The following PKP2 variants were observed in gnomAD, a reference collection of about 807,000 sequenced individuals.
The protein encoded by PKP2 is plakophilin 2.
Under a neutral mutation model 83.4 loss-of-function variants are expected in PKP2, and 73 were observed. That is an observed-to-expected ratio of 0.88 (90% CI 0.72 to 1.06). The LOEUF (loss-of-function observed/expected upper bound fraction) is 1.06, where lower values mean the gene tolerates loss of function less well. Ranked by LOEUF, PKP2 falls within the 50% of genes least tolerant of loss-of-function variation. The pLI, the probability that PKP2 is intolerant of heterozygous loss-of-function variation, is 0.00. For synonymous variants in PKP2, 409 were observed against 430.4 expected (o/e 0.95, Z 0.62); for missense variants, 966 against 1,065.4 (o/e 0.91, Z 1.30).
At chr12:32,893,979 G>GCGAGATCTCCGCTCA (rs920530981) in intron 1 of PKP2, 1 of 147,222 alleles carries the variant, frequency 6.8e-6, no homozygotes, top group African/African-American at 2.6e-5. Context: ...GAGTGCAATG[G>GCGAGATCTCCGCTCA]CGAGATCTCC....
At chr12:32,821,831 A>G in intron 8 of PKP2, 2 of 363,324 alleles carry the variant, frequency 5.5e-6, no homozygotes, top group Non-Finnish European at 1.0e-5. Flanking sequence ...CTGTTGAGCT[A>G]AAAGCTAAAT....
rs574053559 is a variant in PKP2 at position 32,846,745 on chromosome 12, C to CAAAAAAAAAAAAAAAAAAAA, written c.1378+4020_1378+4021insTTTTTTTTTTTTTTTTTTTT. On this transcript the variant is annotated intron_variant, in intron 5 of 12. Coordinates refer to ENST00000340811, the MANE Select transcript of PKP2 (RefSeq NM_001005242.3). ...GGGTAACAAGAATGAAACTTCTTCT[C>CAAAAAAAAAAAAAAAAAAAA]AAAAAAAAAAAAAAAAAAGAAGAGA... Among the ~76,000 whole-genome samples, 162 of 74,820 alleles carry CAAAAAAAAAAAAAAAAAAAA rather than the reference C, an allele frequency of 2.2e-3. 3 individuals are homozygous for CAAAAAAAAAAAAAAAAAAAA. The highest frequency in any genetic ancestry group is 3.0e-3 in the African/African-American group (54 of 17,708). The allele number at this position is 74,820 out of a possible 152,430, so 49.1% of individuals were successfully genotyped here.
Position 32,869,107 on chromosome 12 carries a change from C to T in PKP2, c.1035-45G>A, listed in dbSNP as rs781606755. ...TTCAGCCAGATTCCAAACCTCCCTCCTCCTGCCTACCAACCTGGTCCTCCA... is the reference window on the plus strand; with the variant it reads ...TTCAGCCAGATTCCAAACCTCCCTCTTCCTGCCTACCAACCTGGTCCTCCA... On this transcript the variant is annotated intron_variant, in intron 3 of 12. Coordinates refer to ENST00000340811, the MANE Select transcript of PKP2 (RefSeq NM_001005242.3). The T allele has an allele frequency of 3.7e-6, 6 of 1,610,432 alleles. No individual in the cohort carries two copies. The South Asian group carries it at 6.6e-5, about 18-fold the overall frequency.
At chr12:32,809,972 C>T (rs1177192178) in intron 9 of PKP2, among the ~76,000 whole-genome samples, 2 of 152,214 alleles carry the variant, frequency 1.3e-5, no homozygotes, top group African/African-American at 4.8e-5. Flanking sequence ...TGCTTTCATT[C>T]CTCTCTGTGC....
At chr12:32,796,540 G>T (rs992531144) in intron 10 of PKP2, among the ~76,000 whole-genome samples, 2 of 151,904 alleles carry the variant, frequency 1.3e-5, no homozygotes, top group African/African-American at 4.8e-5. Context: ...CCGCCACCAC[G>T]CCTGGCTAAT....
chr12:32,837,495 T>G (rs1956554061), intron 6 of PKP2, among the ~76,000 whole-genome samples: 1 of 152,210 alleles, frequency 6.6e-6, no homozygotes, highest in Admixed American at 6.5e-5. Context: ...CTATTATTGT[T>G]ATAAATTAGA....
Position 32,792,112 on chromosome 12 carries a change from C to T in PKP2, c.*312G>A, listed in dbSNP as rs1956072732. ...ATCCCAGTAATGCAACAGCTTCTTT[C>T]CTTATTTATTGGATTAATGTCCCTT... On this transcript the variant is annotated 3_prime_UTR_variant, in exon 13 of 13. Transcript: ENST00000340811. The T allele has an allele frequency of 5.0e-6, 2 of 402,958 alleles. No homozygotes were observed. The highest frequency in any genetic ancestry group is 9.2e-6 in the Non-Finnish European group (2 of 217,222). The allele number at this position is 402,958 out of a possible 1,614,324, so 25.0% of individuals were successfully genotyped here. A position where few individuals can be genotyped will look rare whatever the true frequency, so the allele number is the denominator to read the frequency against.
At chr12:32,816,496 C>A (rs1956321187) in intron 9 of PKP2, among the ~76,000 whole-genome samples, 1 of 152,214 alleles carries the variant, frequency 6.6e-6, no homozygotes, top group Non-Finnish European at 1.5e-5. Context: ...CACGGATGGG[C>A]ACCCTGGTGG....
rs921239022 is a variant in PKP2 at position 32,886,355 on chromosome 12, T to A, written c.224-7323A>T. Among the ~76,000 whole-genome samples, 6 of 152,356 alleles carry A rather than the reference T, an allele frequency of 3.9e-5. No individual in the cohort carries two copies. In the East Asian group the frequency reaches 1.2e-3, roughly 29 times the overall value. ...AGGTAAGACATGGGATCTTGCCACT[T>A]ATTCAGAGGAATTTGTATAGCAATT... is the stretch of plus-strand genomic sequence containing the variant. On this transcript the variant is annotated intron_variant, in intron 1 of 12. Transcript: ENST00000340811.
At chr12:32,798,454 T>C (rs1440603227) in intron 10 of PKP2, among the ~76,000 whole-genome samples, 7 of 151,114 alleles carry the variant, frequency 4.6e-5, no homozygotes, top group African/African-American at 1.7e-4. Flanking sequence ...TATAACTTCT[T>C]GGTTATAAGT....
At chr12:32,835,295 C>T (rs1037557773) in intron 6 of PKP2, among the ~76,000 whole-genome samples, 3 of 152,086 alleles carry the variant, frequency 2.0e-5, no homozygotes, top group South Asian at 4.1e-4. Context: ...CTTTGTGATC[C>T]GCCTGCCTTG....
At chr12:32,802,681 CAA>C (rs1956193677) in intron 9 of PKP2, 125 bp from the exon 10 acceptor site, 1 of 862,762 alleles carries the variant, frequency 1.2e-6, no homozygotes, top group South Asian at 1.5e-5. Flanking sequence ...TATTTTGAGA[CAA>C]AGTCTCTCTC....
At position 32,878,318 on chromosome 12, in the gene PKP2, G is replaced by C. The variant is rs773712517; in HGVS notation, c.562C>G (p.Leu188Val). ...CGAGCATATCTCGGTGGCACTAGGA[G>C]GGCGGCCCGCCTGCTTTCTTGGTGG... Reference protein sequence around the residue: ...LHHQESRRAALLVPPRYARSE... With the variant: ...LHHQESRRAAVLVPPRYARSE... The change falls in exon 3 of 13, where the codon CTC (leucine) becomes GTC (valine). Residue 188 changes from leucine (L) to valine (V), a missense_variant. Transcript: ENST00000340811. The C allele has an allele frequency of 1.2e-6, 2 of 1,611,994 alleles. No homozygotes were observed. The highest frequency in any genetic ancestry group is 1.7e-6 in the Non-Finnish European group (2 of 1,179,692).
chr12:32,888,870 A>G (rs1260772633), intron 1 of PKP2, among the ~76,000 whole-genome samples: 2 of 150,142 alleles, frequency 1.3e-5, no homozygotes, highest in Admixed American at 1.3e-4. Flanking sequence ...AGCTCACTGC[A>G]GCCTTGAACT....
At chr12:32,821,240 C>A in intron 9 of PKP2, 116 bp downstream of exon 9, 1 of 978,470 alleles carries the variant, frequency 1.0e-6, no homozygotes, top group Non-Finnish European at 1.6e-6. Context: ...TGAGAATTGT[C>A]TTTACTAAAA....
At chr12:32,865,415 T>C (rs1419027106) in intron 4 of PKP2, among the ~76,000 whole-genome samples, 1 of 150,252 alleles carries the variant, frequency 6.7e-6, no homozygotes, top group African/African-American at 2.5e-5. Flanking sequence ...GTGCAGTGGC[T>C]TATGCCTGTA....
intron 9 of PKP2, among the ~76,000 whole-genome samples, chr12:32,809,491 A>T (rs1956257648): frequency 6.6e-6 from 1 of 152,232 alleles, no homozygotes; most frequent in Admixed American, 6.5e-5. Flanking sequence ...TGGAATTCCA[A>T]GACAGTGGGA....
chr12:32,821,158 CTGACT>C (rs960053336), intron 9 of PKP2, 193 bp downstream of exon 9: 16 of 587,838 alleles, frequency 2.7e-5, no homozygotes, highest in Non-Finnish European at 4.5e-5. Context: ...TGAAAGAGTA[CTGACT>C]TGACTTGTCA....
chr12:32,871,165 A>G (rs1354193599), intron 3 of PKP2, among the ~76,000 whole-genome samples: 1 of 151,870 alleles, frequency 6.6e-6, no homozygotes, highest in Non-Finnish European at 1.5e-5. Context: ...CAATCACACC[A>G]GGCTTTTAAT....
Sources: gnomAD v4.1 joint callset for allele counts (sites outside exome capture counted in the v4.1 genomes callset) on GRCh38, gnomAD v4.1.1 for gene constraint, MANE v1.5 for transcripts, NCBI Gene and HGNC (gene_info 2026-07-23, HGNC 2026-07-21) for gene names.